SPTSSB: variants seen among roughly 807,000 people sequenced by gnomAD.
SPTSSB encodes serine palmitoyltransferase small subunit B.
A neutral mutation model predicts 7.7 loss-of-function variants in SPTSSB; 6 were observed. The observed-to-expected ratio is 0.78, with a 90% CI of 0.43 to 1.54. The LOEUF (loss-of-function observed/expected upper bound fraction) is 1.54, where lower values mean the gene tolerates loss of function less well. SPTSSB is among the 40% of genes most tolerant of loss of function. The probability of loss-of-function intolerance (pLI) is 0.01; values close to 1 mark genes in which losing one functional copy is unlikely to be tolerated. For missense variants in SPTSSB, 91 were observed against 93.0 expected (o/e 0.98, Z 0.09); for synonymous variants, 28 against 29.7 (o/e 0.94, Z 0.19).
intron 1 of SPTSSB, among the ~76,000 whole-genome samples, chr3:161,361,837 G>C (rs1715028449): frequency 5.9e-5 from 9 of 152,120 alleles, no homozygotes; most frequent in Admixed American, 5.9e-4. Flanking sequence ...GAGCCTCGTA[G>C]GAAGAATTCA....
intron 1 of SPTSSB, among the ~76,000 whole-genome samples, chr3:161,363,267 C>T (rs879859588): frequency 6.6e-6 from 1 of 151,434 alleles, no homozygotes; most frequent in Non-Finnish European, 1.5e-5. Flanking sequence ...GCTTCTCCAT[C>T]AATAGTATAA....
chr3:161,361,252 T>C lies in SPTSSB; in HGVS notation c.-125-1358A>G, dbSNP rs529157699. 4.6e-5 allele frequency among the ~76,000 whole-genome samples: 7 copies of C among 152,184 alleles called. No homozygotes were observed. The South Asian group carries it at 1.5e-3, about 32-fold the overall frequency. On this transcript the variant is annotated intron_variant, in intron 1 of 2. Transcript: ENST00000620149. Reference sequence around the variant, plus strand: ...GAATCTTAGGAAAAACTTTAAAAAATCAGAGCTGTCTAAAGGGGAATGGGT... The same window carrying C: ...GAATCTTAGGAAAAACTTTAAAAAACCAGAGCTGTCTAAAGGGGAATGGGT...
chr3:161,351,613 A>AG lies in SPTSSB; in HGVS notation c.-32-5259_-32-5258insC, dbSNP rs1553802817. 2.7e-4 allele frequency among the ~76,000 whole-genome samples: 39 copies of AG among 146,432 alleles called. 1 individual carries two copies. The South Asian group carries it at 8.2e-3, about 31-fold the overall frequency. ...ATACACACACAGAGAGAGAGAGAGAAAGAGAGAGAGAGTCATATAACTGAA... is the reference window on the plus strand; with the variant it reads ...ATACACACACAGAGAGAGAGAGAGAAGAGAGAGAGAGAGTCATATAACTGAA... On this transcript the variant is annotated intron_variant, in intron 2 of 2. Transcript: ENST00000620149.
chr3:161,345,902 T>C lies in SPTSSB; in HGVS notation c.*191A>G. The C allele has an allele frequency of 1.9e-6, 1 of 516,906 alleles. No individual in the cohort carries two copies. The highest frequency in any genetic ancestry group is 3.5e-6 in the Non-Finnish European group (1 of 286,594). The allele number at this position is 516,906 out of a possible 1,614,324, so 32.0% of individuals were successfully genotyped here. ...GTATTATCTCCGGTCTAAAGCACAA[T>C]GTAGCATGTGCAAAAGAAACTAAAG... On this transcript the variant is annotated 3_prime_UTR_variant, in exon 3 of 3. Transcript: ENST00000620149.
At chr3:161,348,485 T>C (rs1714364290) in intron 2 of SPTSSB, among the ~76,000 whole-genome samples, 1 of 152,142 alleles carries the variant, frequency 6.6e-6, no homozygotes, top group Non-Finnish European at 1.5e-5. Context: ...TTCAAGATAA[T>C]TAATGTCTAT....
intron 1 of SPTSSB, among the ~76,000 whole-genome samples, chr3:161,369,372 C>T (rs1207759366): frequency 3.0e-5 from 2 of 65,934 alleles, no homozygotes; most frequent in Non-Finnish European, 5.9e-5. Context: ...CTCTCTCTGT[C>T]TCTCTTTCTT....
At chr3:161,360,989 C>T (rs747580186) in intron 1 of SPTSSB, among the ~76,000 whole-genome samples, 1 of 152,068 alleles carries the variant, frequency 6.6e-6, no homozygotes, top group Non-Finnish European at 1.5e-5. Context: ...GGGGATATGG[C>T]TTCTGGCTTT....
intron 2 of SPTSSB, among the ~76,000 whole-genome samples, chr3:161,347,454 G>A (rs923532810): frequency 4.0e-5 from 6 of 151,826 alleles, no homozygotes; most frequent in African/African-American, 1.5e-4. Flanking sequence ...TAGAGATGGG[G>A]TTTCACCATG....
At chr3:161,353,892 A>C (rs1714653363) in intron 2 of SPTSSB, among the ~76,000 whole-genome samples, 1 of 152,110 alleles carries the variant, frequency 6.6e-6, no homozygotes, top group Admixed American at 6.6e-5. Context: ...TCATCTTAGA[A>C]TACTCCCCAG....
chr3:161,346,778 G>T (rs1430734666), intron 2 of SPTSSB, among the ~76,000 whole-genome samples: 1 of 152,126 alleles, frequency 6.6e-6, no homozygotes, highest in Non-Finnish European at 1.5e-5. Flanking sequence ...CAAATGGATA[G>T]AATAGACAGT....
chr3:161,353,127 A>G (rs1170484064), intron 2 of SPTSSB, among the ~76,000 whole-genome samples: 1 of 152,078 alleles, frequency 6.6e-6, no homozygotes, highest in Non-Finnish European at 1.5e-5. Flanking sequence ...CAGTTTCTCC[A>G]TGTGTAAAAC....
At chr3:161,366,309 A>C (rs1014778002) in intron 1 of SPTSSB, among the ~76,000 whole-genome samples, 1 of 152,334 alleles carries the variant, frequency 6.6e-6, no homozygotes, top group African/African-American at 2.4e-5. Flanking sequence ...AGTGATTTAC[A>C]TAGGTTGTAA....
At chr3:161,353,839 A>G (rs528090083) in intron 2 of SPTSSB, among the ~76,000 whole-genome samples, 21 of 152,326 alleles carry the variant, frequency 1.4e-4, no homozygotes, top group African/African-American at 4.8e-4. Context: ...TGCCCTACAG[A>G]AAATTCCATC....
At chr3:161,351,120 C>T (rs1714517771) in intron 2 of SPTSSB, among the ~76,000 whole-genome samples, 2 of 152,016 alleles carry the variant, frequency 1.3e-5, no homozygotes, top group Non-Finnish European at 2.9e-5. Context: ...AATGTGGTAT[C>T]CCAGATGGAA....
chr3:161,368,946 T>G (rs1426417248), intron 1 of SPTSSB, among the ~76,000 whole-genome samples: 1 of 152,240 alleles, frequency 6.6e-6, no homozygotes, highest in Non-Finnish European at 1.5e-5. Flanking sequence ...ACATTTTATT[T>G]ATCCATTCAT....
At chr3:161,349,233 C>T (rs572680294) in intron 2 of SPTSSB, among the ~76,000 whole-genome samples, 30 of 152,018 alleles carry the variant, frequency 2.0e-4, no homozygotes, top group Admixed American at 7.9e-4. Flanking sequence ...ATGCAGTGAT[C>T]GATGGCCCAG....
intron 2 of SPTSSB, among the ~76,000 whole-genome samples, chr3:161,348,961 G>A (rs921204187): frequency 1.3e-5 from 2 of 152,114 alleles, no homozygotes; most frequent in African/African-American, 2.4e-5. Context: ...GATTTGCTTA[G>A]GTAATATATT....
chr3:161,367,917 G>A (rs73878311), intron 1 of SPTSSB, among the ~76,000 whole-genome samples: 7,007 of 152,248 alleles, frequency 0.046, 235 homozygotes, highest in African/African-American at 0.086. Flanking sequence ...ATATCTAGAA[G>A]TAGGAGGAAC....
intron 1 of SPTSSB, among the ~76,000 whole-genome samples, chr3:161,367,396 C>G (rs566938482): frequency 6.6e-6 from 1 of 152,258 alleles, no homozygotes; most frequent in South Asian, 2.1e-4. Flanking sequence ...TTTCCTGAAG[C>G]CGGTAGACTT....
Sources: allele counts gnomAD v4.1 joint callset (sites outside exome capture counted in the v4.1 genomes callset), GRCh38; gene constraint gnomAD v4.1.1; transcripts MANE v1.5; gene names NCBI Gene and HGNC (gene_info 2026-07-23, HGNC 2026-07-21).